The following DST variants were observed in gnomAD, a reference collection of about 807,000 sequenced individuals.
DST encodes dystonin.
Under a neutral mutation model 875.2 loss-of-function variants are expected in DST, and 253 were observed. That is an observed-to-expected ratio of 0.29 (90% CI 0.26 to 0.32). The LOEUF is 0.32. DST is among the 10% of genes least tolerant of loss of function. DST has a pLI of 1.00. For missense variants in DST, 8,287 were observed against 9,111.6 expected (o/e 0.91, Z 3.68); for synonymous variants, 3,124 against 3,197.1 (o/e 0.98, Z 0.77).
intron 5 of DST, among the ~76,000 whole-genome samples, chr6:56,727,840 G>C (rs1205803046): frequency 6.6e-6 from 1 of 152,180 alleles, no homozygotes; most frequent in African/African-American, 2.4e-5. Context: ...TAATGCAATG[G>C]CATGATGTAG....
intron 80 of DST, 150 bp from the exon 81 acceptor site, chr6:56,498,203 T>C: frequency 1.3e-6 from 1 of 743,338 alleles, no homozygotes; most frequent in South Asian, 2.1e-5. Flanking sequence ...AGATGGGGTC[T>C]TACTCTGTGG....
rs1242855841 is a variant in DST, at chr6:56,508,694, T to C, written c.19074A>G (p.Glu6358=). The C allele has an allele frequency of 5.0e-6, 8 of 1,613,712 alleles. No homozygotes were observed. In the African/African-American group the frequency reaches 5.3e-5, roughly 11 times the overall value. ...CATCCAGTAGTTTGGCTTCCCTCTC[T>C]TCCACCAGTGTGTGTATGTTCTCCC... The part of the protein sequence containing the change: ...FIWENIHTLV[E]EREAKLLDVM... The change falls in exon 75 of 104, where the codon GAA becomes GAG. Residue 6358 remains glutamate, a synonymous_variant. Coordinates refer to ENST00000680361, the MANE Select transcript of DST (RefSeq NM_001374736.1).
intron 9 of DST, among the ~76,000 whole-genome samples, chr6:56,691,367 G>A (rs1023497327): frequency 3.3e-5 from 5 of 152,078 alleles, no homozygotes; most frequent in African/African-American, 1.2e-4. Flanking sequence ...GTGTAGCGGT[G>A]TATATAAACA....
chr6:56,808,908 T>C (rs2099756534), intron 4 of DST, among the ~76,000 whole-genome samples: 1 of 152,192 alleles, frequency 6.6e-6, no homozygotes, highest in Non-Finnish European at 1.5e-5. Context: ...TGGGCAAATT[T>C]GTTGCATGAG....
chr6:56,905,741 C>T (rs1365977784), intron 2 of DST, among the ~76,000 whole-genome samples: 2 of 151,944 alleles, frequency 1.3e-5, no homozygotes, highest in Non-Finnish European at 2.9e-5. Context: ...CTCCACCTCC[C>T]GGGCTCAAGC....
chr6:56,649,229 A>G (rs561064138), intron 12 of DST, among the ~76,000 whole-genome samples: 2 of 152,160 alleles, frequency 1.3e-5, no homozygotes, highest in African/African-American at 2.4e-5. Flanking sequence ...AATGGAGGAA[A>G]CTTGGAAGGC....
intron 2 of DST, among the ~76,000 whole-genome samples, chr6:56,912,575 C>T (rs73459730): frequency 0.017 from 2,556 of 152,250 alleles, 75 homozygotes; most frequent in African/African-American, 0.057. Flanking sequence ...CATAGACTAA[C>T]GGCTACAGCA....
At position 56,624,632 on chromosome 6, in the gene DST, C is replaced by T. The variant is rs2152746799; in HGVS notation, c.4831-4G>A. On this transcript the variant is annotated splice_polypyrimidine_tract_variant and splice_region_variant and intron_variant, in intron 35 of 103. Transcript: ENST00000680361. ...ATCGAGTCCTTAGGTCCATGAACTG[C>T]AAGTAAGGAAAAAAATAATAAAAGC... is the stretch of plus-strand genomic sequence containing the variant. 1 of 1,582,964 alleles carries T rather than the reference C, an allele frequency of 6.3e-7. No homozygotes were observed. The highest frequency in any genetic ancestry group is 8.7e-7 in the Non-Finnish European group (1 of 1,152,470).
At chr6:56,931,081 C>G (rs557845147) in intron 2 of DST, among the ~76,000 whole-genome samples, 2 of 152,260 alleles carry the variant, frequency 1.3e-5, no homozygotes, top group Non-Finnish European at 2.9e-5. Flanking sequence ...TGATAATCTC[C>G]TAATTATATC....
At chr6:56,626,584 G>T (rs1179734738) in intron 34 of DST, among the ~76,000 whole-genome samples, 1 of 152,054 alleles carries the variant, frequency 6.6e-6, no homozygotes, top group Non-Finnish European at 1.5e-5. Flanking sequence ...ACCTAACAAC[G>T]CATTTCTCGG....
At chr6:56,495,215 T>C (rs2095865655) in intron 82 of DST, among the ~76,000 whole-genome samples, 1 of 152,004 alleles carries the variant, frequency 6.6e-6, no homozygotes, top group Non-Finnish European at 1.5e-5. Context: ...ACTAATATTG[T>C]AAGTTTTGTA....
At chr6:56,572,612 G>A (rs967955784) in intron 52 of DST, 135 bp downstream of exon 52, 1 of 641,818 alleles carries the variant, frequency 1.6e-6, no homozygotes, top group African/African-American at 1.8e-5. Flanking sequence ...AATTCTTAAA[G>A]GAGTAAAACA....
intron 4 of DST, among the ~76,000 whole-genome samples, chr6:56,749,720 AT>A (rs2152950510): frequency 6.6e-6 from 1 of 152,282 alleles, no homozygotes; most frequent in South Asian, 2.1e-4. Flanking sequence ...AATGCTTTTC[AT>A]TCCTATAATA....
At chr6:56,873,559 T>C (rs1197061991) in intron 3 of DST, among the ~76,000 whole-genome samples, 23 of 152,340 alleles carry the variant, frequency 1.5e-4, no homozygotes, top group Admixed American at 1.5e-3. Flanking sequence ...TTCTGTCATT[T>C]ACAGCAACAT....
Position 56,515,430 on chromosome 6 carries a change from C to A in DST, c.18576+20G>T. 2.5e-6 allele frequency: 4 copies of A among 1,611,850 alleles called. No homozygotes were observed. Among genetic ancestry groups the A allele is most frequent in the Non-Finnish European group, 3.4e-6 (4 of 1,178,388 alleles). ...CTCTTTTAATGGGGAATACAATATT[C>A]TCTTTCACACCAGGCTTACCCGATG... On this transcript the variant is annotated intron_variant, in intron 72 of 103. Transcript: ENST00000680361.
At chr6:56,719,665 C>T (rs928039918) in intron 5 of DST, among the ~76,000 whole-genome samples, 7 of 152,194 alleles carry the variant, frequency 4.6e-5, no homozygotes, top group South Asian at 2.1e-4. Flanking sequence ...CGACATTTCA[C>T]GTAGGTTCTT....
intron 4 of DST, among the ~76,000 whole-genome samples, chr6:56,791,649 G>A (rs776982201): frequency 1.3e-4 from 19 of 151,876 alleles, no homozygotes; most frequent in Non-Finnish European, 2.6e-4. Flanking sequence ...GCCAAGTGTG[G>A]TGGCACATGT....
intron 4 of DST, among the ~76,000 whole-genome samples, chr6:56,802,591 C>A (rs1306182512): frequency 2.0e-5 from 3 of 152,132 alleles, no homozygotes; most frequent in African/African-American, 7.2e-5. Context: ...AAGACAAAGA[C>A]ATCTTTTAGG....
At chr6:56,774,994 A>G (rs1263374579) in intron 4 of DST, among the ~76,000 whole-genome samples, 5 of 126,376 alleles carry the variant, frequency 4.0e-5, no homozygotes, top group Non-Finnish European at 7.6e-5. Context: ...CTCCATCTCA[A>G]AAAAAAAAAA....
Sources: gnomAD v4.1 joint callset for allele counts (sites outside exome capture counted in the v4.1 genomes callset) on GRCh38, gnomAD v4.1.1 for gene constraint, MANE v1.5 for transcripts, NCBI Gene and HGNC (gene_info 2026-07-23, HGNC 2026-07-21) for gene names.